KCNH1: variants seen among roughly 807,000 people sequenced by gnomAD.
KCNH1 encodes potassium voltage-gated channel subfamily H member 1.
Under a neutral mutation model 69.2 loss-of-function variants are expected in KCNH1, and 27 were observed. The observed-to-expected ratio is 0.39, with a 90% CI of 0.29 to 0.54. The LOEUF is 0.54. KCNH1 is among the 20% of genes least tolerant of loss of function. KCNH1 has a pLI of 0.68. For synonymous variants in KCNH1, 456 were observed against 487.7 expected (o/e 0.93, Z 0.86); for missense variants, 798 against 1,261.6 (o/e 0.63, Z 5.57).
In KCNH1 at chr1:210,919,601, A is replaced by G. The variant is rs1221366841; in HGVS notation, c.1462+39T>C. 3 of 1,561,374 alleles carry G rather than the reference A, an allele frequency of 1.9e-6. No individual in the cohort carries two copies. The highest frequency in any genetic ancestry group is 1.4e-5 in the African/African-American group (1 of 73,992). ...CCATTTCCCTGTTTCCAGCTAACAG[A>G]AGAGATGGCCAACCCCACCCCAGCA... On this transcript the variant is annotated intron_variant, in intron 7 of 10. Transcript: ENST00000271751. The surrounding 1 kb of genome is among the most constrained non-coding windows in gnomAD (Gnocchi z 4.2).
chr1:211,126,336 C>T (rs1171952834), intron 1 of KCNH1, among the ~76,000 whole-genome samples: 2 of 152,142 alleles, frequency 1.3e-5, no homozygotes, highest in African/African-American at 2.4e-5. Flanking sequence ...CAGTGAAGCC[C>T]TATCTCTACT....
chr1:211,029,625 T>A (rs1472767644), intron 5 of KCNH1, among the ~76,000 whole-genome samples: 2 of 151,814 alleles, frequency 1.3e-5, no homozygotes, highest in African/African-American at 4.8e-5. Flanking sequence ...ATGAAAATTT[T>A]CCCCCTACAA....
intron 6 of KCNH1, among the ~76,000 whole-genome samples, chr1:210,949,054 A>G (rs1688015716): frequency 6.6e-6 from 1 of 152,136 alleles, no homozygotes; most frequent in Admixed American, 6.5e-5. Context: ...TTTGCCCTGT[A>G]GTTTGCTGAC....
chr1:211,075,336 T>C (rs1324049433), intron 5 of KCNH1, among the ~76,000 whole-genome samples: 1 of 152,234 alleles, frequency 6.6e-6, no homozygotes, highest in South Asian at 2.1e-4. Flanking sequence ...AGATCTTCTG[T>C]AGCTAACTCA....
intron 10 of KCNH1, among the ~76,000 whole-genome samples, chr1:210,703,249 A>C (rs1015526660): frequency 5.9e-5 from 9 of 152,220 alleles, no homozygotes; most frequent in Non-Finnish European, 1.2e-4. Flanking sequence ...AAATAATAAA[A>C]GACACCAATA....
intron 7 of KCNH1, among the ~76,000 whole-genome samples, chr1:210,888,454 C>A (rs1050312479): frequency 1.3e-5 from 2 of 152,072 alleles, no homozygotes; most frequent in Non-Finnish European, 2.9e-5. Context: ...CAGGAGAAAG[C>A]AGGAAAGATC....
intron 5 of KCNH1, among the ~76,000 whole-genome samples, chr1:211,043,144 A>G (rs1224310621): frequency 2.6e-5 from 4 of 152,194 alleles, no homozygotes; most frequent in Non-Finnish European, 5.9e-5. Flanking sequence ...CAAACAAACA[A>G]AAAGATAAAT....
chr1:211,034,335 C>T (rs565107102), intron 5 of KCNH1, among the ~76,000 whole-genome samples: 7 of 151,900 alleles, frequency 4.6e-5, no homozygotes, highest in African/African-American at 1.7e-4. Flanking sequence ...AGATTACATA[C>T]TTATGACTCC....
intron 7 of KCNH1, 79 bp from the exon 8 acceptor site, chr1:210,804,245 G>T: frequency 7.8e-7 from 1 of 1,275,516 alleles, no homozygotes; most frequent in Non-Finnish European, 1.1e-6. Flanking sequence ...TGCTCAGCTT[G>T]CTCAGAGTAG....
chr1:211,096,031 G>A (rs538023153), intron 3 of KCNH1, among the ~76,000 whole-genome samples: 6 of 147,308 alleles, frequency 4.1e-5, no homozygotes, highest in Non-Finnish European at 7.6e-5. Flanking sequence ...TGAGACATAG[G>A]TGTTTAAAAG....
chr1:210,782,349 A>C (rs1171603380), intron 9 of KCNH1, among the ~76,000 whole-genome samples: 2 of 152,084 alleles, frequency 1.3e-5, no homozygotes, highest in Non-Finnish European at 2.9e-5. Flanking sequence ...ATATGCTAAA[A>C]CCCTAACTCC....
intron 6 of KCNH1, among the ~76,000 whole-genome samples, chr1:211,017,404 A>C (rs1213316323): frequency 6.6e-6 from 1 of 152,048 alleles, no homozygotes; most frequent in Non-Finnish European, 1.5e-5. Context: ...TTAGTTCTGA[A>C]ATGTGTCTTG....
chr1:210,931,993 A>G (rs915287092), intron 6 of KCNH1, among the ~76,000 whole-genome samples: 219 of 152,256 alleles, frequency 1.4e-3, no homozygotes, highest in African/African-American at 5.0e-3. Flanking sequence ...AAGTTAATAA[A>G]TTTTTACATT....
intron 10 of KCNH1, among the ~76,000 whole-genome samples, chr1:210,720,101 A>G (rs1682416606): frequency 6.6e-6 from 1 of 152,228 alleles, no homozygotes; most frequent in Non-Finnish European, 1.5e-5. Context: ...CTATGGCCAA[A>G]CAGGACTAGT....
At chr1:210,790,858 G>A (rs1392522634) in intron 9 of KCNH1, among the ~76,000 whole-genome samples, 1 of 152,130 alleles carries the variant, frequency 6.6e-6, no homozygotes, top group Non-Finnish European at 1.5e-5. Flanking sequence ...CCACTGCTGA[G>A]TTCCTCATGC....
rs549995317 is a variant in KCNH1 at position 210,928,414 on chromosome 1, C to T, written c.1033-8345G>A. On this transcript the variant is annotated intron_variant, in intron 6 of 10. Transcript: ENST00000271751. ...AACTGGAAATGGACTCCAAAAGGAA[C>T]CCTCAAAACAATCCAAATACATGGA... Among the ~76,000 whole-genome samples the T allele has an allele frequency of 1.4e-4, 21 of 152,216 alleles. No homozygotes were observed. The South Asian group carries it at 1.5e-3, about 11-fold the overall frequency.
chr1:211,078,761 C>A (rs149564522), intron 5 of KCNH1, among the ~76,000 whole-genome samples: 3 of 151,564 alleles, frequency 2.0e-5, no homozygotes, highest in Non-Finnish European at 4.4e-5. Context: ...CAAGAAATAA[C>A]TAAGATCATA....
chr1:211,124,829 A>G (rs1691750247), intron 1 of KCNH1, among the ~76,000 whole-genome samples: 1 of 152,224 alleles, frequency 6.6e-6, no homozygotes, highest in Non-Finnish European at 1.5e-5. Flanking sequence ...CCGATTTATA[A>G]CACTGGCCAA....
At chr1:210,907,874 C>T (rs1430868888) in intron 7 of KCNH1, among the ~76,000 whole-genome samples, 3 of 152,190 alleles carry the variant, frequency 2.0e-5, no homozygotes, top group African/African-American at 7.2e-5. Context: ...ATTACTTTTA[C>T]CCCTTAAGCC....
Sources: gnomAD v4.1 joint callset for allele counts (sites outside exome capture counted in the v4.1 genomes callset) on GRCh38, gnomAD v4.1.1 for gene constraint, Gnocchi (gnomAD v3.1) non-coding constraint, MANE v1.5 for transcripts, NCBI Gene and HGNC (gene_info 2026-07-23, HGNC 2026-07-21) for gene names.